The following MEI4 variants were observed in gnomAD, a reference collection of about 807,000 sequenced individuals.
The protein encoded by MEI4 is meiotic double-stranded break formation protein 4, also known as meiosis-specific protein MEI4.
A neutral mutation model predicts 31.4 loss-of-function variants in MEI4; 27 were observed. The ratio of observed to expected loss-of-function variants is 0.86; its 90% CI spans 0.63 to 1.19. The LOEUF (loss-of-function observed/expected upper bound fraction) is 1.19. Among genes scored for constraint, MEI4 ranks in the 50% most tolerant of loss-of-function variants. The pLI, the probability that MEI4 is intolerant of heterozygous loss-of-function variation, is 0.00. For missense variants in MEI4, 329 were observed against 398.9 expected (o/e 0.82, Z 1.49); for synonymous variants, 122 against 145.4 (o/e 0.84, Z 1.16).
intron 2 of MEI4, among the ~76,000 whole-genome samples, chr6:77,734,587 A>G (rs1172429117): frequency 1.3e-5 from 2 of 151,978 alleles, no homozygotes; most frequent in Admixed American, 1.3e-4. Context: ...TTGACTCTTT[A>G]TCCAATTTGC....
chr6:77,830,372 G>T (rs36042013), intron 4 of MEI4, among the ~76,000 whole-genome samples: 47 of 152,010 alleles, frequency 3.1e-4, no homozygotes, highest in African/African-American at 1.1e-3. Context: ...TGATGTATAT[G>T]TTCTCATTTA....
chr6:77,848,056 A>G (rs563455612), intron 4 of MEI4, among the ~76,000 whole-genome samples: 25 of 152,296 alleles, frequency 1.6e-4, no homozygotes, highest in Admixed American at 4.6e-4. Context: ...GAGGTTCTCT[A>G]TGTTTTTCTG....
At chr6:77,729,330 C>A (rs910311348) in intron 2 of MEI4, among the ~76,000 whole-genome samples, 1 of 152,086 alleles carries the variant, frequency 6.6e-6, no homozygotes, top group African/African-American at 2.4e-5. Flanking sequence ...ATTTCAAAAT[C>A]GAAAAAGTTG....
At chr6:77,882,557 T>G (rs1354925625) in intron 4 of MEI4, among the ~76,000 whole-genome samples, 1 of 152,158 alleles carries the variant, frequency 6.6e-6, no homozygotes, top group Non-Finnish European at 1.5e-5. Context: ...TTCTTAGCAT[T>G]TTGTCCTCTG....
chr6:77,869,574 C>T (rs1771144572), intron 4 of MEI4, among the ~76,000 whole-genome samples: 1 of 152,082 alleles, frequency 6.6e-6, no homozygotes, highest in Non-Finnish European at 1.5e-5. Flanking sequence ...AGGAAATAAA[C>T]CCTGCCAGCA....
intron 4 of MEI4, among the ~76,000 whole-genome samples, chr6:77,864,823 A>ACT (rs1407703338): frequency 2.2e-3 from 333 of 152,320 alleles, no homozygotes; most frequent in African/African-American, 7.3e-3. Flanking sequence ...TTGACCACAT[A>ACT]GGTGGAAGTA....
intron 2 of MEI4, among the ~76,000 whole-genome samples, chr6:77,700,706 C>G (rs11757562): frequency 6.6e-6 from 1 of 152,028 alleles, no homozygotes; most frequent in Non-Finnish European, 1.5e-5. Flanking sequence ...AGCTGTAGAC[C>G]GGAGCTGTTC....
rs910532906 is a variant in MEI4 at position 77,852,965 on chromosome 6, G to A, written c.900+23903G>A. Among the ~76,000 whole-genome samples, 26 of 152,252 alleles carry A rather than the reference G, an allele frequency of 1.7e-4. No homozygotes were observed. The South Asian group carries it at 3.5e-3, about 21-fold the overall frequency. On this transcript the variant is annotated intron_variant, in intron 4 of 4. Coordinates refer to ENST00000684080, the MANE Select transcript of MEI4 (RefSeq NM_001322247.2). ...TGTAATCCCAGCACTTTGGGAGGCC[G>A]AGGCAGGCGGATCACCTGAGGTCGG... is the stretch of plus-strand genomic sequence containing the variant.
intron 3 of MEI4, among the ~76,000 whole-genome samples, chr6:77,766,605 G>T (rs1468628673): frequency 6.6e-6 from 1 of 151,926 alleles, no homozygotes; most frequent in Non-Finnish European, 1.5e-5. Context: ...TAGTAGAGAT[G>T]GTTTCACCGT....
intron 3 of MEI4, among the ~76,000 whole-genome samples, chr6:77,762,126 TG>T (rs1768060381): frequency 2.0e-5 from 3 of 152,218 alleles, no homozygotes; most frequent in Non-Finnish European, 1.5e-5. Context: ...GCAAATGCCT[TG>T]GGGTTGAAGA....
At chr6:77,783,651 T>C (rs1457563990) in intron 3 of MEI4, among the ~76,000 whole-genome samples, 4 of 152,130 alleles carry the variant, frequency 2.6e-5, no homozygotes, top group African/African-American at 9.7e-5. Context: ...CTCTTTTTTA[T>C]TTTATTAATT....
intron 2 of MEI4, among the ~76,000 whole-genome samples, chr6:77,703,080 CTA>C (rs1336720777): frequency 6.6e-6 from 1 of 152,166 alleles, no homozygotes; most frequent in Non-Finnish European, 1.5e-5. Flanking sequence ...GACCCAAACT[CTA>C]TGCTTTCAGA....
upstream of MEI4, among the ~76,000 whole-genome samples, chr6:77,652,166 T>C (rs1278915411): frequency 6.6e-6 from 1 of 152,142 alleles, no homozygotes; most frequent in African/African-American, 2.4e-5. Flanking sequence ...ATGACTACAT[T>C]GTGGAGAATA....
intron 4 of MEI4, among the ~76,000 whole-genome samples, chr6:77,905,556 G>A (rs1431883467): frequency 7.7e-6 from 1 of 130,090 alleles, no homozygotes; most frequent in African/African-American, 2.9e-5. Flanking sequence ...GAGTGCAGTG[G>A]CACGATCTCA....
intron 4 of MEI4, among the ~76,000 whole-genome samples, chr6:77,885,802 G>A (rs958607875): frequency 2.6e-5 from 4 of 152,020 alleles, no homozygotes; most frequent in African/African-American, 9.7e-5. Context: ...TTAGCTGTGG[G>A]TTTTTATATA....
At chr6:77,793,089 C>G (rs1417075644) in intron 3 of MEI4, among the ~76,000 whole-genome samples, 1 of 152,022 alleles carries the variant, frequency 6.6e-6, no homozygotes, top group South Asian at 2.1e-4. Context: ...ATCATTTGAC[C>G]ATAGTGCATG....
intron 4 of MEI4, among the ~76,000 whole-genome samples, chr6:77,901,878 T>C (rs1766194707): frequency 6.6e-6 from 1 of 152,124 alleles, no homozygotes; most frequent in African/African-American, 2.4e-5. Context: ...TTTGAGTTGA[T>C]TTTTGTATAT....
intron 2 of MEI4, among the ~76,000 whole-genome samples, chr6:77,691,925 A>C (rs1562207607): frequency 1.3e-5 from 2 of 150,982 alleles, no homozygotes; most frequent in South Asian, 2.1e-4. Flanking sequence ...AGAAAAAAAA[A>C]CACATAAATC....
chr6:77,880,471 T>A (rs1380394031), intron 4 of MEI4, among the ~76,000 whole-genome samples: 1 of 152,204 alleles, frequency 6.6e-6, no homozygotes, highest in East Asian at 1.9e-4. Flanking sequence ...GATACCACTT[T>A]GTATTTATGT....
Sources: gnomAD v4.1 joint callset for allele counts (sites outside exome capture counted in the v4.1 genomes callset) on GRCh38, gnomAD v4.1.1 for gene constraint, MANE v1.5 for transcripts, NCBI Gene and HGNC (gene_info 2026-07-23, HGNC 2026-07-21) for gene names.